GTF3C1: variants seen among roughly 807,000 people sequenced by gnomAD.
GTF3C1 encodes general transcription factor 3C polypeptide 1.
Under a neutral mutation model 226.7 loss-of-function variants are expected in GTF3C1, and 57 were observed. The observed-to-expected ratio is 0.25, with a 90% CI of 0.20 to 0.31. GTF3C1 has a LOEUF of 0.31. Among genes scored for constraint, GTF3C1 ranks in the 10% least tolerant of loss-of-function variants. GTF3C1 has a pLI of 1.00. For synonymous variants in GTF3C1, 1,090 were observed against 1,084.8 expected (o/e 1.00, Z -0.09); for missense variants, 2,217 against 2,776.1 (o/e 0.80, Z 4.53).
At chr16:27,488,486 T>G in intron 22 of GTF3C1, 68 bp downstream of exon 22, 1 of 1,548,290 alleles carries the variant, frequency 6.5e-7, no homozygotes, top group South Asian at 1.1e-5. Context: ...AAACCGAACA[T>G]AGGGTAGTCG....
chr16:27,477,163 TTC>T (rs944718412), intron 28 of GTF3C1, among the ~76,000 whole-genome samples: 1 of 152,192 alleles, frequency 6.6e-6, no homozygotes, highest in African/African-American at 2.4e-5. Flanking sequence ...TACATAGATT[TTC>T]TTTCACCTCT....
At chr16:27,542,223 T>A (rs1205269756) in intron 2 of GTF3C1, among the ~76,000 whole-genome samples, 1 of 152,130 alleles carries the variant, frequency 6.6e-6, no homozygotes, top group African/African-American at 2.4e-5. Context: ...GGCAGTACTA[T>A]GGTTTGGATG....
intron 3 of GTF3C1, 45 bp downstream of exon 3, chr16:27,538,135 C>T: frequency 7.3e-7 from 1 of 1,373,740 alleles, no homozygotes; most frequent in Non-Finnish European, 1.0e-6. Context: ...ATTCAGGGTG[C>T]AATGACATAT....
intron 11 of GTF3C1, among the ~76,000 whole-genome samples, 155 bp from the exon 12 acceptor site, chr16:27,501,499 G>A (rs982425148): frequency 1.3e-5 from 2 of 152,206 alleles, no homozygotes; most frequent in Admixed American, 1.3e-4. Context: ...TTCTTGAGAC[G>A]TTAATGATTG....
rs1814769401 is a variant in GTF3C1 at position 27,479,234 on chromosome 16, T to A, written c.4197-703A>T. Among the ~76,000 whole-genome samples the A allele has an allele frequency of 2.0e-5, 3 of 152,252 alleles. No homozygotes were observed. In the South Asian group the frequency reaches 6.2e-4, roughly 32 times the overall value. ...ACTGTACCCCATAAATATATAAAAT[T>A]ATTATTCATCAATTAAAACAAAGAA... On this transcript the variant is annotated intron_variant, in intron 27 of 36. Coordinates refer to ENST00000356183, the MANE Select transcript of GTF3C1 (RefSeq NM_001520.4).
chr16:27,537,141 G>A (rs1466641583), intron 4 of GTF3C1, among the ~76,000 whole-genome samples: 1 of 152,150 alleles, frequency 6.6e-6, no homozygotes, highest in Non-Finnish European at 1.5e-5. Flanking sequence ...GTTGAGTGCT[G>A]CAAAACATCC....
intron 6 of GTF3C1, among the ~76,000 whole-genome samples, chr16:27,515,865 T>G (rs1285569397): frequency 2.6e-5 from 4 of 152,222 alleles, no homozygotes; most frequent in Non-Finnish European, 5.9e-5. Flanking sequence ...CCAGGCACCA[T>G]GCCAAGGGCG....
At chr16:27,528,794 T>C (rs989576882) in intron 5 of GTF3C1, 73 bp from the exon 6 acceptor site, 2 of 1,376,978 alleles carry the variant, frequency 1.5e-6, no homozygotes, top group Admixed American at 3.5e-5. Flanking sequence ...GTCATATAAA[T>C]GAACACAAGT....
At chr16:27,539,564 G>C (rs1445829760) in intron 2 of GTF3C1, among the ~76,000 whole-genome samples, 1 of 152,214 alleles carries the variant, frequency 6.6e-6, no homozygotes, top group South Asian at 2.1e-4. Context: ...GATCCCATAA[G>C]GATGTGCTGC....
Position 27,470,682 on chromosome 16 carries a change from C to T in GTF3C1, c.4527-287G>A. On this transcript the variant is annotated intron_variant, in intron 30 of 36. Coordinates refer to ENST00000356183, the MANE Select transcript of GTF3C1 (RefSeq NM_001520.4). This position sits in a 1 kb window ranked among gnomAD's most constrained non-coding sequence, Gnocchi z 4.9. ...CTCCAGGAGGGCGCTGGCAGGCTCA[C>T]CTTACAGGGGCTCACTGTACACAGC... The T allele has an allele frequency of 2.3e-6, 1 of 429,542 alleles. No homozygotes were observed. The allele number at this position is 429,542 out of a possible 1,614,324, so 26.6% of individuals were successfully genotyped here. A position where few individuals can be genotyped will look rare whatever the true frequency, so the allele number is the denominator to read the frequency against.
At chr16:27,480,844 C>T (rs2088033118) in intron 27 of GTF3C1, 1 of 494,782 alleles carries the variant, frequency 2.0e-6, no homozygotes, top group African/African-American at 1.9e-5. Flanking sequence ...GTACACCAAC[C>T]AAACAAGGAA....
chr16:27,548,920 G>A (rs964988240), intron 1 of GTF3C1, among the ~76,000 whole-genome samples: 1 of 152,204 alleles, frequency 6.6e-6, no homozygotes, highest in Non-Finnish European at 1.5e-5. Context: ...TTGGGAGGCC[G>A]AGAGGTGCGG....
intron 6 of GTF3C1, among the ~76,000 whole-genome samples, chr16:27,512,767 C>T (rs1169408069): frequency 6.6e-6 from 1 of 152,182 alleles, no homozygotes; most frequent in Non-Finnish European, 1.5e-5. Context: ...AAAATGGGGA[C>T]TTCTTGATAC....
chr16:27,509,787 C>T (rs934819037), intron 7 of GTF3C1, among the ~76,000 whole-genome samples: 2 of 149,326 alleles, frequency 1.3e-5, no homozygotes, highest in African/African-American at 4.9e-5. Flanking sequence ...AAAGAAGTAT[C>T]TTCCTCTTTA....
intron 10 of GTF3C1, among the ~76,000 whole-genome samples, chr16:27,505,161 T>C (rs1389394179): frequency 6.6e-6 from 1 of 152,234 alleles, no homozygotes; most frequent in African/African-American, 2.4e-5. Context: ...TCAACTGTCT[T>C]TTAATCCTTC....
intron 11 of GTF3C1, 72 bp from the exon 12 acceptor site, chr16:27,501,416 C>T: frequency 7.4e-7 from 1 of 1,355,280 alleles, no homozygotes; most frequent in Non-Finnish European, 1.1e-6. Flanking sequence ...CCAGGCAACA[C>T]AGACATGCCT....
chr16:27,483,978 C>T (rs2088096471), intron 25 of GTF3C1, among the ~76,000 whole-genome samples: 1 of 152,230 alleles, frequency 6.6e-6, no homozygotes, highest in Non-Finnish European at 1.5e-5. Context: ...GATACCACCA[C>T]CTACTTCTCA....
Position 27,492,315 on chromosome 16 carries a change from C to A in GTF3C1, c.3151+23G>T. 6.8e-7 allele frequency: 1 copy of A among 1,464,762 alleles called. No individual in the cohort carries two copies. Among genetic ancestry groups the A allele is most frequent in the South Asian group, 1.2e-5 (1 of 83,264 alleles). 90.7% of individuals were successfully genotyped at this position (1,464,762 alleles called of 1,614,324 possible). On this transcript the variant is annotated intron_variant, in intron 19 of 36. Coordinates refer to ENST00000356183, the MANE Select transcript of GTF3C1 (RefSeq NM_001520.4). The surrounding 1 kb of genome is among the most constrained non-coding windows in gnomAD (Gnocchi z 5.0). ...AGAAAGGAGCAAAAGCAGCCAGGTT[C>A]AGCCGAGACAGCCGACACCCACCTA...
chr16:27,481,210 G>A lies in GTF3C1; in HGVS notation c.4084-19C>T, dbSNP rs2088040270. On this transcript the variant is annotated intron_variant, in intron 26 of 36. Coordinates refer to ENST00000356183, the MANE Select transcript of GTF3C1 (RefSeq NM_001520.4). ...CACAAACCTTTCAACATGAGAGCAT[G>A]AGAGGTTAAGCCCTTACTCTTCCTA... 1 of 1,601,680 alleles carries A rather than the reference G, an allele frequency of 6.2e-7. No homozygotes were observed. The highest frequency in any genetic ancestry group is 1.7e-5 in the Admixed American group (1 of 59,984).
Sources: allele counts gnomAD v4.1 joint callset (sites outside exome capture counted in the v4.1 genomes callset), GRCh38; gene constraint gnomAD v4.1.1; non-coding constraint Gnocchi (gnomAD v3.1); transcripts MANE v1.5; gene names NCBI Gene and HGNC (gene_info 2026-07-23, HGNC 2026-07-21).